The following MARK3 variants were observed in gnomAD, a reference collection of about 807,000 sequenced individuals.
MARK3 encodes MAP/microtubule affinity-regulating kinase 3.
Under a neutral mutation model 90.1 loss-of-function variants are expected in MARK3, and 46 were observed. The observed-to-expected ratio is 0.51, with a 90% CI of 0.40 to 0.65. The LOEUF is 0.65. Among genes scored for constraint, MARK3 ranks in the 30% least tolerant of loss-of-function variants. The pLI, the probability that MARK3 is intolerant of heterozygous loss-of-function variation, is 0.00. For missense variants in MARK3, 818 were observed against 947.2 expected (o/e 0.86, Z 1.79); for synonymous variants, 321 against 332.6 (o/e 0.97, Z 0.38).
intron 3 of MARK3, among the ~76,000 whole-genome samples, chr14:103,433,959 C>G (rs2092653798): frequency 6.6e-6 from 1 of 152,150 alleles, no homozygotes; most frequent in African/African-American, 2.4e-5. Flanking sequence ...TAGGATATCC[C>G]TGCTGTTCTC....
At chr14:103,438,604 T>C (rs1288959537) in intron 3 of MARK3, among the ~76,000 whole-genome samples, 1 of 152,226 alleles carries the variant, frequency 6.6e-6, no homozygotes, top group Non-Finnish European at 1.5e-5. Context: ...TAATTTTTCC[T>C]GATGTTGCTC....
intron 14 of MARK3, among the ~76,000 whole-genome samples, chr14:103,486,816 G>A (rs1427015291): frequency 1.3e-5 from 2 of 152,056 alleles, no homozygotes; most frequent in African/African-American, 4.8e-5. Context: ...GAAATATTTT[G>A]TTGCTTGCTT....
At chr14:103,412,612 C>G (rs4900573) in intron 2 of MARK3, 6 of 995,876 alleles carry the variant, frequency 6.0e-6, no homozygotes, top group Admixed American at 1.9e-5. Context: ...TGACGGTGCC[C>G]GAGAAGCGCT....
intron 3 of MARK3, among the ~76,000 whole-genome samples, chr14:103,433,653 C>G (rs1279431212): frequency 6.6e-6 from 1 of 152,088 alleles, no homozygotes; most frequent in Non-Finnish European, 1.5e-5. Context: ...CCACTGCACT[C>G]CAGCCTGGGT....
At position 103,503,072 on chromosome 14, in the gene MARK3, G is replaced by A. The variant is rs373090711; in HGVS notation, c.2107G>A (p.Gly703Arg). ...RERFLLFCVH[G>R]DGHAENLVQW... ...GCGCTTCTTGCTCTTCTGCGTCCAC[G>A]GAGATGGGCACGCGGAGAACCTCGT... is the stretch of plus-strand genomic sequence containing the variant. Residue 703 changes from glycine to arginine, a missense_variant, in exon 18 of 18, where the codon GGA (glycine) becomes AGA (arginine). Gly to Arg is a moderately radical substitution (Grantham distance 125). Transcript: ENST00000429436. 17 of 1,614,106 alleles carry A rather than the reference G, an allele frequency of 1.1e-5. No homozygotes were observed. Among genetic ancestry groups the A allele is most frequent in the East Asian group, 2.2e-5 (1 of 44,894 alleles).
At chr14:103,396,127 T>C (rs570017259) in intron 1 of MARK3, among the ~76,000 whole-genome samples, 2 of 150,048 alleles carry the variant, frequency 1.3e-5, no homozygotes, top group Non-Finnish European at 3.0e-5. Flanking sequence ...CATTTTGCCC[T>C]TTCTAAAGAA....
At chr14:103,498,172 G>A (rs972887812) in intron 15 of MARK3, among the ~76,000 whole-genome samples, 1 of 150,694 alleles carries the variant, frequency 6.6e-6, no homozygotes, top group Admixed American at 6.6e-5. Flanking sequence ...AGCTGAGATT[G>A]CACCACTGCA....
chr14:103,453,152 G>GTGT (rs2093194949), intron 5 of MARK3, among the ~76,000 whole-genome samples: 1 of 152,156 alleles, frequency 6.6e-6, no homozygotes, highest in African/African-American at 2.4e-5. Context: ...TCTGAAATGC[G>GTGT]TGTTTATAGC....
rs373761926 is a variant in MARK3, at chr14:103,448,971, C to T, written c.346+4C>T. The T allele has an allele frequency of 5.4e-5, 84 of 1,560,332 alleles. No individual in the cohort carries two copies. Among genetic ancestry groups the T allele is most frequent in the South Asian group, 9.5e-5 (8 of 84,558 alleles). On this transcript the variant is annotated splice_donor_region_variant and intron_variant, in intron 4 of 17. Coordinates refer to ENST00000429436, the MANE Select transcript of MARK3 (RefSeq NM_001128918.3). ...ATTTTAAATCATCCCAATATAGGTA[C>T]TTTCTGCTTTTTTAAATATTTTGGG...
chr14:103,433,776 T>A (rs578097471), intron 3 of MARK3, among the ~76,000 whole-genome samples: 3 of 152,256 alleles, frequency 2.0e-5, no homozygotes, highest in Admixed American at 6.5e-5. Flanking sequence ...ACAACTTAAT[T>A]TAGGTTTGGG....
rs1324401766 is a variant in MARK3 at position 103,385,900 on chromosome 14, G to T, written c.-130G>T. On this transcript the variant is annotated 5_prime_UTR_variant, in exon 1 of 18. Coordinates refer to ENST00000429436, the MANE Select transcript of MARK3 (RefSeq NM_001128918.3). ...GCCCGGGATCTAGACGGCCGTAGGG[G>T]GAAGGGAGCCGCCCTCCCCACGGCG... 6.9e-6 allele frequency: 5 copies of T among 726,134 alleles called. No individual in the cohort carries two copies. In the African/African-American group the frequency reaches 8.7e-5, roughly 13 times the overall value. The allele number at this position is 726,134 out of a possible 1,614,324, so 45.0% of individuals were successfully genotyped here.
intron 15 of MARK3, among the ~76,000 whole-genome samples, chr14:103,496,168 G>T (rs185906922): frequency 1.4e-4 from 22 of 152,360 alleles, no homozygotes; most frequent in Admixed American, 1.4e-3. Flanking sequence ...CATGGGCAGT[G>T]TGAAGGCCTC....
In MARK3 at chr14:103,492,363, G is replaced by A. The variant is rs148440745; in HGVS notation, c.1844+329G>A. Among the ~76,000 whole-genome samples, 53 of 152,138 alleles carry A rather than the reference G, an allele frequency of 3.5e-4. No individual in the cohort carries two copies. In the East Asian group the frequency reaches 0.01, roughly 29 times the overall value. ...CAGACCTCGAGTTCTGGTGTGGGGT[G>A]GGGGGCTGGCACTCTGTAACAATCA... On this transcript the variant is annotated intron_variant, in intron 15 of 17. Coordinates refer to ENST00000429436, the MANE Select transcript of MARK3 (RefSeq NM_001128918.3).
At position 103,480,470 on chromosome 14, in the gene MARK3, T is replaced by C; in HGVS notation, c.1566T>C (p.Ile522=). Residue 522 remains isoleucine (I), a synonymous_variant, in exon 14 of 18, where the codon ATT becomes ATC. Transcript: ENST00000429436. ...ERTTADRHSV[I]QNGKENSTIP... is the part of the protein sequence containing the mutation. ...CTACAGCTGATAGACACTCAGTGATTCAGAATGGCAAAGAAAACAGGTAGG... is the reference window on the plus strand; with the variant it reads ...CTACAGCTGATAGACACTCAGTGATCCAGAATGGCAAAGAAAACAGGTAGG... The C allele has an allele frequency of 6.2e-7, 1 of 1,611,380 alleles. No individual in the cohort carries two copies. Among genetic ancestry groups the C allele is most frequent in the African/African-American group, 1.3e-5 (1 of 74,976 alleles).
At chr14:103,495,501 C>T (rs2075292157) in intron 15 of MARK3, among the ~76,000 whole-genome samples, 1 of 151,582 alleles carries the variant, frequency 6.6e-6, no homozygotes, top group African/African-American at 2.4e-5. Flanking sequence ...AAGTATCAGG[C>T]TGAGCCAGGT....
chr14:103,430,552 C>T (rs1359805210), intron 3 of MARK3, among the ~76,000 whole-genome samples: 1 of 152,156 alleles, frequency 6.6e-6, no homozygotes, highest in African/African-American at 2.4e-5. Context: ...CATGCCCTAG[C>T]AGCTAACATT....
chr14:103,472,647 CAAAA>C (rs71126028), intron 12 of MARK3, among the ~76,000 whole-genome samples: 3 of 72,536 alleles, frequency 4.1e-5, no homozygotes, highest in African/African-American at 5.3e-5. Context: ...GGCTCCATCT[CAAAA>C]AAAAAAAAAA....
At chr14:103,404,960 A>G in intron 1 of MARK3, 116 bp from the exon 2 acceptor site, 1 of 683,096 alleles carries the variant, frequency 1.5e-6, no homozygotes, top group Non-Finnish European at 2.3e-6. Flanking sequence ...GAAGTGCTAG[A>G]TACTTTAAGA....
At chr14:103,435,073 C>G (rs2092681978) in intron 3 of MARK3, among the ~76,000 whole-genome samples, 1 of 152,158 alleles carries the variant, frequency 6.6e-6, no homozygotes, top group Non-Finnish European at 1.5e-5. Flanking sequence ...AGCAGGGAAA[C>G]TTATAATTTG....
Sources: gnomAD v4.1 joint callset for allele counts (sites outside exome capture counted in the v4.1 genomes callset) on GRCh38, gnomAD v4.1.1 for gene constraint, MANE v1.5 for transcripts, NCBI Gene and HGNC (gene_info 2026-07-23, HGNC 2026-07-21) for gene names.